Variants in CNGB1 observed in about 807,000 individuals in gnomAD.
The protein encoded by CNGB1 is cyclic nucleotide gated channel subunit beta 1.
A neutral mutation model predicts 151.7 loss-of-function variants in CNGB1; 126 were observed. That is an observed-to-expected ratio of 0.83 (90% CI 0.72 to 0.96). CNGB1 has a LOEUF of 0.96. CNGB1 is among the 40% of genes least tolerant of loss of function. The pLI, the probability that CNGB1 is intolerant of heterozygous loss-of-function variation, is 0.00. For missense variants in CNGB1, 1,698 were observed against 1,627.0 expected (o/e 1.04, Z -0.75); for synonymous variants, 623 against 635.1 (o/e 0.98, Z 0.29).
At position 57,914,889 on chromosome 16, in the gene CNGB1, T is replaced by C. The variant is rs1164403858; in HGVS notation, c.2304+360A>G. On this transcript the variant is annotated intron_variant, in intron 23 of 32. Transcript: ENST00000251102. ...CATCATAAAGCAGAAGATCCCCTCTTGAGAGTCTCTATAATCACTGAGAGC... is the reference window on the plus strand; with the variant it reads ...CATCATAAAGCAGAAGATCCCCTCTCGAGAGTCTCTATAATCACTGAGAGC... Among the ~76,000 whole-genome samples, 11 of 152,264 alleles carry C rather than the reference T, an allele frequency of 7.2e-5. No homozygotes were observed. The South Asian group carries it at 1.7e-3, about 23-fold the overall frequency.
intron 21 of CNGB1, 72 bp downstream of exon 21, chr16:57,917,196 G>T: frequency 8.0e-7 from 1 of 1,245,458 alleles, no homozygotes; most frequent in Non-Finnish European, 1.2e-6. Flanking sequence ...CAGCATCAGG[G>T]GTCAGTGCCC....
chr16:57,920,596 C>A, intron 18 of CNGB1, 52 bp from the exon 19 acceptor site: 1 of 1,599,914 alleles, frequency 6.3e-7, no homozygotes, highest in South Asian at 1.1e-5. Flanking sequence ...GGGACCTGTG[C>A]ACCCCCAGGC....
At chr16:57,935,819 T>C (rs1305616304) in intron 16 of CNGB1, among the ~76,000 whole-genome samples, 1 of 151,750 alleles carries the variant, frequency 6.6e-6, no homozygotes, top group Non-Finnish European at 1.5e-5. Context: ...GAGTAGTAGA[T>C]TCAAGGCTTG....
intron 16 of CNGB1, among the ~76,000 whole-genome samples, chr16:57,932,905 T>C (rs1430044664): frequency 6.7e-6 from 1 of 150,016 alleles, no homozygotes; most frequent in African/African-American, 2.5e-5. Context: ...TTTTTAAAAA[T>C]TATTTTATTT....
chr16:57,966,469 G>C (rs1962402073), intron 2 of CNGB1, among the ~76,000 whole-genome samples: 1 of 152,252 alleles, frequency 6.6e-6, no homozygotes, highest in African/African-American at 2.4e-5. Context: ...ATACTCCACA[G>C]TGTGGTCCAT....
rs1597021450 is a variant in CNGB1, at chr16:57,971,053, G to A, written c.-9+7C>T. The A allele has an allele frequency of 6.6e-6, 1 of 152,182 alleles. No individual in the cohort carries two copies. Among genetic ancestry groups the A allele is most frequent in the African/African-American group, 2.4e-5 (1 of 41,456 alleles). The allele number at this position is 152,182 out of a possible 1,614,324, so 9.4% of individuals were successfully genotyped here. The stretch of plus-strand genomic sequence containing the variant: ...TCCCACCGAGCCTCCACCTCACCCT[G>A]AGTTACCTGCTTAGATGCCAACCGC... On this transcript the variant is annotated splice_region_variant and intron_variant, in intron 1 of 32. Transcript: ENST00000251102.
chr16:57,959,800 TC>T, intron 10 of CNGB1, 87 bp downstream of exon 10: 1 of 1,400,316 alleles, frequency 7.1e-7, no homozygotes, highest in Non-Finnish European at 9.3e-7. Flanking sequence ...TGAATTTTCT[TC>T]CAGGTTTCCA....
intron 2 of CNGB1, 44 bp downstream of exon 2, chr16:57,967,084 G>A: frequency 6.2e-7 from 1 of 1,613,486 alleles, no homozygotes; most frequent in Non-Finnish European, 8.5e-7. Context: ...GGAAGACCCT[G>A]AGCAGCGAGG....
In CNGB1 at chr16:57,954,559, TC is replaced by T. The variant is rs575457798; in HGVS notation, c.874+2781del. ...CCCCAGCTCAGGACCCCTGGCTAATTCCTCTCCTCCTGCAACCCAACACCGC... is the reference window on the plus strand; with the variant it reads ...CCCCAGCTCAGGACCCCTGGCTAATTCTCTCCTCCTGCAACCCAACACCGC... On this transcript the variant is annotated intron_variant, in intron 12 of 32. Coordinates refer to ENST00000251102, the MANE Select transcript of CNGB1 (RefSeq NM_001297.5). 132 of 507,496 alleles carry T rather than the reference TC, an allele frequency of 2.6e-4. 1 individual carries two copies. In the Middle Eastern group the frequency reaches 5.2e-3, roughly 20 times the overall value. The allele number at this position is 507,496 out of a possible 1,614,324, so 31.4% of individuals were successfully genotyped here.
chr16:57,940,196 C>T, intron 15 of CNGB1, 38 bp downstream of exon 15: 1 of 1,537,148 alleles, frequency 6.5e-7, no homozygotes, highest in Non-Finnish European at 8.8e-7. Flanking sequence ...AATGCCAAGC[C>T]AGGCCTCAGA....
intron 21 of CNGB1, among the ~76,000 whole-genome samples, chr16:57,916,732 G>C (rs763396092): frequency 1.1e-4 from 17 of 152,158 alleles, no homozygotes; most frequent in Non-Finnish European, 2.4e-4. Flanking sequence ...TAAGGCAGGG[G>C]TGGTGCACGG....
chr16:57,923,882 C>T (rs540539638), intron 17 of CNGB1, among the ~76,000 whole-genome samples: 76 of 152,290 alleles, frequency 5.0e-4, no homozygotes, highest in African/African-American at 1.6e-3. Context: ...ATCCAGTCTC[C>T]GCCTTACGGT....
chr16:57,949,360 C>T lies in CNGB1; in HGVS notation c.1114G>A (p.Val372Met). 6.2e-7 allele frequency: 1 copy of T among 1,610,762 alleles called. No individual in the cohort carries two copies. The highest frequency in any genetic ancestry group is 1.1e-5 in the South Asian group (1 of 91,072). The part of the protein sequence containing the change: ...EEEEEEEEEE[V>M]TEVLLDSCVV... ...GGTGAGCAAATGACTTACTCAGTCA[C>T]CTCCTCCTCTTCCTCCTCCTCCTCC... Residue 372 changes from valine (V) to methionine (M), a missense_variant, in exon 14 of 33, where the codon GTG becomes ATG. Physicochemically the swap from Val to Met is conservative, Grantham distance 21. Coordinates refer to ENST00000251102, the MANE Select transcript of CNGB1 (RefSeq NM_001297.5).
At chr16:57,906,990 C>T (rs896756846) in intron 25 of CNGB1, among the ~76,000 whole-genome samples, 12 of 152,190 alleles carry the variant, frequency 7.9e-5, no homozygotes, top group East Asian at 1.9e-4. Flanking sequence ...CACAAATGTT[C>T]GCTTTGTAAA....
intron 31 of CNGB1, among the ~76,000 whole-genome samples, chr16:57,889,822 A>T (rs1287305719): frequency 1.3e-5 from 2 of 152,136 alleles, no homozygotes; most frequent in African/African-American, 4.8e-5. Context: ...GATATTAATG[A>T]TTACAAAACG....
chr16:57,958,328 C>T (rs1390466235), intron 11 of CNGB1, 82 bp downstream of exon 11: 47 of 881,480 alleles, frequency 5.3e-5, no homozygotes, highest in Non-Finnish European at 6.4e-5. Flanking sequence ...TGCCACAGGG[C>T]CAACCATCCT....
intron 27 of CNGB1, among the ~76,000 whole-genome samples, chr16:57,902,740 A>T (rs1314813261): frequency 6.6e-6 from 1 of 151,950 alleles, no homozygotes; most frequent in African/African-American, 2.4e-5. Flanking sequence ...CCTCCTGAGT[A>T]GCTGGGACTC....
chr16:57,884,764 C>T (rs2149350438), intron 32 of CNGB1, among the ~76,000 whole-genome samples: 1 of 152,222 alleles, frequency 6.6e-6, no homozygotes, highest in Non-Finnish European at 1.5e-5. Context: ...GGGCCCCTCC[C>T]CCGAGCTATT....
chr16:57,954,333 C>T (rs1962032563), intron 12 of CNGB1, among the ~76,000 whole-genome samples: 1 of 152,318 alleles, frequency 6.6e-6, no homozygotes, highest in South Asian at 2.1e-4. Flanking sequence ...TGCCACCTGC[C>T]TTCAGGTGCC....
Sources: gnomAD v4.1 joint callset for allele counts (sites outside exome capture counted in the v4.1 genomes callset) on GRCh38, gnomAD v4.1.1 for gene constraint, MANE v1.5 for transcripts, NCBI Gene and HGNC (gene_info 2026-07-23, HGNC 2026-07-21) for gene names.